FLT1: variants seen among roughly 807,000 people sequenced by gnomAD.
FLT1 encodes the protein vascular endothelial growth factor receptor 1.
A neutral mutation model predicts 156.3 loss-of-function variants in FLT1; 49 were observed. That is an observed-to-expected ratio of 0.31 (90% CI 0.25 to 0.40). The LOEUF (loss-of-function observed/expected upper bound fraction) is 0.40, where lower values mean the gene tolerates loss of function less well. Ranked by LOEUF, FLT1 falls within the 10% of genes least tolerant of loss-of-function variation. FLT1 has a pLI of 1.00. For synonymous variants in FLT1, 594 were observed against 583.8 expected, an observed-to-expected ratio of 1.02 and a Z score of -0.25; for missense variants, 1,322 against 1,637.2, an observed-to-expected ratio of 0.81 and a Z score of 3.32.
Position 28,457,583 on chromosome 13 carries a change from A to C in FLT1, c.388+9320T>G, listed in dbSNP as rs556099080. ...CACACAACAAATATTTTAAATAGTT[A>C]AAGGAAAAACTGTAGAATATTAGAA... On this transcript the variant is annotated intron_variant, in intron 3 of 29. Coordinates refer to ENST00000282397, the MANE Select transcript of FLT1 (RefSeq NM_002019.4). 3.5e-4 allele frequency among the ~76,000 whole-genome samples: 54 copies of C among 152,374 alleles called. No homozygotes were observed. The Middle Eastern group carries it at 0.017, about 48-fold the overall frequency.
At chr13:28,313,565 A>G (rs1871089403) in intron 25 of FLT1, among the ~76,000 whole-genome samples, 1 of 152,168 alleles carries the variant, frequency 6.6e-6, no homozygotes, top group East Asian at 1.9e-4. Context: ...TGTAAGCACT[A>G]TGTGGGCTGG....
intron 3 of FLT1, among the ~76,000 whole-genome samples, chr13:28,444,860 G>A (rs1011584799): frequency 1.1e-4 from 17 of 151,960 alleles, no homozygotes; most frequent in African/African-American, 2.4e-5. Flanking sequence ...AAAATTTACG[G>A]GATGAAGCTA....
chr13:28,383,624 T>C (rs979600452), intron 14 of FLT1, among the ~76,000 whole-genome samples: 1 of 151,672 alleles, frequency 6.6e-6, no homozygotes, highest in Non-Finnish European at 1.5e-5. Context: ...AGCGCACCAC[T>C]GCACTCCAGC....
intron 1 of FLT1, among the ~76,000 whole-genome samples, chr13:28,472,160 A>G (rs955742101): frequency 6.6e-6 from 1 of 152,198 alleles, no homozygotes; most frequent in African/African-American, 2.4e-5. Context: ...CACATGCTAG[A>G]CCTCACATAG....
In FLT1 at chr13:28,311,678, T is replaced by G; in HGVS notation, c.3547A>C (p.Thr1183Pro). Residue 1183 changes from threonine to proline, a missense_variant, in exon 27 of 30, where the codon ACA (threonine) becomes CCA (proline). Transcript: ENST00000282397. ...NAILTGNSGF[T>P]YSTPAFSEDF... ...TCAGAGAAGGCAGGAGTTGAGTATG[T>G]AAACCCACTATTTCCTGTCAGTATG... The G allele has an allele frequency of 6.2e-7, 1 of 1,613,862 alleles. No homozygotes were observed. The highest frequency in any genetic ancestry group is 8.5e-7 in the Non-Finnish European group (1 of 1,179,786).
At chr13:28,354,811 T>C (rs553110313) in intron 15 of FLT1, among the ~76,000 whole-genome samples, 2 of 152,074 alleles carry the variant, frequency 1.3e-5, no homozygotes, top group South Asian at 4.1e-4. Flanking sequence ...AATATATAAA[T>C]ATATATTCCA....
At position 28,427,836 on chromosome 13, in the gene FLT1, C is replaced by T. The variant is rs780832234; in HGVS notation, c.1192G>A (p.Glu398Lys). 6.2e-7 allele frequency: 1 copy of T among 1,613,940 alleles called. No homozygotes were observed. Among genetic ancestry groups the T allele is most frequent in the Non-Finnish European group, 8.5e-7 (1 of 1,179,804 alleles). The stretch of plus-strand genomic sequence containing the variant: ...AAGATTGTATAATTCCCTGCATCCT[C>T]TTCAGTTACGTCCTTGATAATTAAC... The part of the protein sequence containing the change: ...YSLIIKDVTE[E>K]DAGNYTILLS... The change falls in exon 9 of 30, where the codon GAG becomes AAG. Residue 398 changes from glutamate to lysine, a missense_variant. Physicochemically the swap from Glu to Lys is moderately conservative, Grantham distance 56. Coordinates refer to ENST00000282397, the MANE Select transcript of FLT1 (RefSeq NM_002019.4).
chr13:28,458,026 C>G (rs1879363538), intron 3 of FLT1, among the ~76,000 whole-genome samples: 1 of 150,952 alleles, frequency 6.6e-6, no homozygotes, highest in Non-Finnish European at 1.5e-5. Flanking sequence ...CCTCCACCTC[C>G]TGGGTTCAAG....
chr13:28,463,850 G>C (rs1002589960), intron 3 of FLT1, among the ~76,000 whole-genome samples: 1 of 152,140 alleles, frequency 6.6e-6, no homozygotes, highest in African/African-American at 2.4e-5. Flanking sequence ...CCTCGGAAAA[G>C]TTATGATTGT....
chr13:28,456,837 AG>A (rs1172917171), intron 3 of FLT1, among the ~76,000 whole-genome samples: 2 of 151,960 alleles, frequency 1.3e-5, no homozygotes, highest in Admixed American at 1.3e-4. Flanking sequence ...GGTGTTTGCC[AG>A]GGGTTGGGAT....
At chr13:28,428,017 A>G in intron 8 of FLT1, 96 bp from the exon 9 acceptor site, 1 of 1,031,080 alleles carries the variant, frequency 9.7e-7, no homozygotes, top group Non-Finnish European at 1.5e-6. Flanking sequence ...CAAGTTGACC[A>G]ATTTCAAACC....
intron 3 of FLT1, chr13:28,466,604 A>G: frequency 2.5e-6 from 1 of 404,540 alleles, no homozygotes. Context: ...TAGAACTAAA[A>G]TCCTTTTATT....
chr13:28,404,751 G>A (rs1875675760), intron 11 of FLT1, among the ~76,000 whole-genome samples: 1 of 152,152 alleles, frequency 6.6e-6, no homozygotes, highest in Non-Finnish European at 1.5e-5. Flanking sequence ...TGGGTGCAGT[G>A]ACTCACGCCT....
intron 6 of FLT1, among the ~76,000 whole-genome samples, chr13:28,431,721 G>A (rs1877694638): frequency 6.6e-6 from 1 of 152,136 alleles, no homozygotes; most frequent in African/African-American, 2.4e-5. Context: ...TCTCTACACA[G>A]TAACCTGTTC....
chr13:28,421,047 C>G (rs999751910), intron 10 of FLT1, among the ~76,000 whole-genome samples: 1 of 151,802 alleles, frequency 6.6e-6, no homozygotes, highest in African/African-American at 2.4e-5. Flanking sequence ...GAGTGGTCAG[C>G]TTTCTCTTGA....
intron 3 of FLT1, among the ~76,000 whole-genome samples, chr13:28,447,620 T>G (rs1298718817): frequency 6.6e-6 from 1 of 152,016 alleles, no homozygotes; most frequent in African/African-American, 2.4e-5. Flanking sequence ...AATTTGAAAC[T>G]TGCATGCTTC....
intron 1 of FLT1, among the ~76,000 whole-genome samples, chr13:28,488,974 G>A (rs1881328506): frequency 6.6e-6 from 1 of 152,296 alleles, no homozygotes; most frequent in East Asian, 1.9e-4. Context: ...ACACGCTGCA[G>A]GAAAAGGCTG....
chr13:28,474,716 T>C (rs1313259564), intron 1 of FLT1, among the ~76,000 whole-genome samples: 1 of 152,130 alleles, frequency 6.6e-6, no homozygotes, highest in Admixed American at 6.6e-5. Context: ...TTGGGGGTGA[T>C]GAAAATGTTC....
At chr13:28,403,870 C>T (rs572451041) in intron 11 of FLT1, among the ~76,000 whole-genome samples, 5 of 152,050 alleles carry the variant, frequency 3.3e-5, no homozygotes, top group African/African-American at 7.2e-5. Flanking sequence ...GGTGAAACTC[C>T]GTCTCTACTA....
Sources: gnomAD v4.1 joint callset for allele counts (sites outside exome capture counted in the v4.1 genomes callset) on GRCh38, gnomAD v4.1.1 for gene constraint, MANE v1.5 for transcripts, NCBI Gene and HGNC (gene_info 2026-07-23, HGNC 2026-07-21) for gene names.